The following SHISA9 variants were observed in gnomAD, a reference collection of about 807,000 sequenced individuals.
The protein encoded by SHISA9 is shisa family member 9, also known as protein shisa-9.
SHISA9 carries 13 observed loss-of-function variants against 38.0 expected under a neutral mutation model. The ratio of observed to expected loss-of-function variants is 0.34; its 90% confidence interval spans 0.22 to 0.54. SHISA9 has a LOEUF of 0.54. Among genes scored for constraint, SHISA9 ranks in the 20% least tolerant of loss-of-function variants. The pLI, the probability that SHISA9 is intolerant of heterozygous loss-of-function variation, is 0.91. For synonymous variants in SHISA9, 275 were observed against 242.0 expected (o/e 1.14, Z -1.27); for missense variants, 538 against 575.8 (o/e 0.93, Z 0.67).
the SHISA9 span, among the ~76,000 whole-genome samples, chr16:13,361,078 A>C: frequency 6.6e-6 from 1 of 152,342 alleles, no homozygotes; most frequent in East Asian, 1.9e-4. Context: ...AAGCTCTGTT[A>C]AATATTCTTC....
chr16:13,195,119 C>T (rs193047796), intron 2 of SHISA9, among the ~76,000 whole-genome samples: 6 of 152,126 alleles, frequency 3.9e-5, no homozygotes, highest in African/African-American at 1.4e-4. Flanking sequence ...GTAGAAAAAA[C>T]CAGCACACCT....
chr16:13,308,851 A>G, the SHISA9 span, among the ~76,000 whole-genome samples: 1 of 152,208 alleles, frequency 6.6e-6, no homozygotes, highest in Non-Finnish European at 1.5e-5. Context: ...AAAAGCATAA[A>G]ATAAGTTTTA....
the SHISA9 span, among the ~76,000 whole-genome samples, chr16:13,357,421 C>G: frequency 6.6e-5 from 10 of 151,974 alleles, no homozygotes; most frequent in Non-Finnish European, 1.3e-4. Context: ...AAAAAGAGGC[C>G]GCTTACCGGA....
rs1247038474 is a variant in SHISA9 at position 13,201,512 on chromosome 16, A to G, written c.692-1882A>G. Among the ~76,000 whole-genome samples the G allele has an allele frequency of 4.5e-5, 6 of 133,778 alleles. 2 individuals are homozygous for G. Among genetic ancestry groups the G allele is most frequent in the Admixed American group, 1.5e-4 (2 of 13,536 alleles). The allele number at this position is 133,778 out of a possible 152,430, so 87.8% of individuals were successfully genotyped here. On this transcript the variant is annotated intron_variant, in intron 2 of 4. Coordinates refer to ENST00000558583, the MANE Select transcript of SHISA9 (RefSeq NM_001145204.3). ...CCAAGGGTGTAGAACCTGTGGATAC[A>G]AAGAGTCAACTGTCTTCTGTCTAGG...
chr16:13,167,104 C>A (rs1332054975), intron 2 of SHISA9, among the ~76,000 whole-genome samples: 1 of 134,516 alleles, frequency 7.4e-6, no homozygotes, highest in African/African-American at 2.8e-5. Context: ...CAGAGTTTCG[C>A]TCTTGTTGCC....
the SHISA9 span, among the ~76,000 whole-genome samples, chr16:13,525,794 G>C: frequency 6.6e-6 from 1 of 152,094 alleles, no homozygotes; most frequent in Non-Finnish European, 1.5e-5. Flanking sequence ...ATCTCCTGTG[G>C]TTCACGTTCC....
chr16:13,235,443 C>A lies in SHISA9; in HGVS notation c.*34C>A. ...CACAGGGAGCACCCTGGAGACCACA[C>A]TCAACTGAGAGAGGCAAAAAACAAC... is the stretch of plus-strand genomic sequence containing the variant. On this transcript the variant is annotated 3_prime_UTR_variant, in exon 5 of 5. Transcript: ENST00000558583. 2 of 1,508,902 alleles carry A rather than the reference C, an allele frequency of 1.3e-6. No homozygotes were observed. Among genetic ancestry groups the A allele is most frequent in the Non-Finnish European group, 1.8e-6 (2 of 1,131,896 alleles). 93.5% of individuals were successfully genotyped at this position (1,508,902 alleles called of 1,614,324 possible).
the SHISA9 span, among the ~76,000 whole-genome samples, chr16:13,379,642 A>G: frequency 6.6e-6 from 1 of 152,220 alleles, no homozygotes; most frequent in Non-Finnish European, 1.5e-5. Flanking sequence ...CCCTGTGCCT[A>G]ACAATAGTGC....
intron 2 of SHISA9, among the ~76,000 whole-genome samples, chr16:12,972,041 T>TGTGTGTGTGTG (rs2072090710): frequency 7.0e-6 from 1 of 141,948 alleles, no homozygotes; most frequent in African/African-American, 2.6e-5. Flanking sequence ...CTCTTGGAGT[T>TGTGTGTGTGTG]TGTGTGTGTG....
At chr16:13,126,392 G>A (rs2050256376) in intron 2 of SHISA9, among the ~76,000 whole-genome samples, 1 of 152,086 alleles carries the variant, frequency 6.6e-6, no homozygotes, top group South Asian at 2.1e-4. Flanking sequence ...GGCAAAGAAT[G>A]GGCAGTTAAT....
the SHISA9 span, among the ~76,000 whole-genome samples, chr16:13,535,518 C>A: frequency 6.6e-6 from 1 of 152,320 alleles, no homozygotes; most frequent in East Asian, 1.9e-4. Context: ...GGAAAACAGT[C>A]ACACTCGTTC....
chr16:13,052,708 C>G (rs1237506238), intron 2 of SHISA9, among the ~76,000 whole-genome samples: 1 of 152,122 alleles, frequency 6.6e-6, no homozygotes. Flanking sequence ...CTTTAACCAT[C>G]TGTTGTTCTT....
the SHISA9 span, among the ~76,000 whole-genome samples, chr16:13,291,276 G>T: frequency 3.0e-3 from 462 of 152,214 alleles, 3 homozygotes; most frequent in African/African-American, 0.01. Flanking sequence ...ATTGATCAAA[G>T]CCAGTTACTG....
At chr16:13,063,814 C>T (rs1329165319) in intron 2 of SHISA9, among the ~76,000 whole-genome samples, 1 of 152,190 alleles carries the variant, frequency 6.6e-6, no homozygotes, top group Non-Finnish European at 1.5e-5. Context: ...ATGCGGCCCT[C>T]AGCCTTTTTG....
the SHISA9 span, among the ~76,000 whole-genome samples, chr16:13,264,438 GC>G: frequency 1.3e-5 from 2 of 152,034 alleles, no homozygotes; most frequent in Admixed American, 6.6e-5. Context: ...TTCCCAAAGT[GC>G]TAGGATTACA....
intron 2 of SHISA9, among the ~76,000 whole-genome samples, chr16:13,019,956 T>TTTCA (rs2072828297): frequency 1.7e-5 from 1 of 60,122 alleles, no homozygotes; most frequent in Non-Finnish European, 3.8e-5. Flanking sequence ...TCTTTCTTTC[T>TTTCA]TTCCCTCCTT....
the SHISA9 span, among the ~76,000 whole-genome samples, chr16:13,487,929 C>T: frequency 6.6e-6 from 1 of 152,160 alleles, no homozygotes; most frequent in Non-Finnish European, 1.5e-5. Flanking sequence ...ATGGCAGGGA[C>T]ACTTTGGAAT....
chr16:13,419,197 C>A, the SHISA9 span, among the ~76,000 whole-genome samples: 7 of 152,108 alleles, frequency 4.6e-5, no homozygotes, highest in African/African-American at 1.7e-4. Context: ...TAAATAATGG[C>A]GTAAGACAAT....
At chr16:13,260,820 T>A in the SHISA9 span, among the ~76,000 whole-genome samples, 1 of 152,182 alleles carries the variant, frequency 6.6e-6, no homozygotes, top group East Asian at 1.9e-4. Flanking sequence ...CTGTATTACT[T>A]CATTTTCATG....
Sources: gnomAD v4.1 joint callset for allele counts (sites outside exome capture counted in the v4.1 genomes callset) on GRCh38, gnomAD v4.1.1 for gene constraint, MANE v1.5 for transcripts, NCBI Gene and HGNC (gene_info 2026-07-23, HGNC 2026-07-21) for gene names.